The following GRID2 variants were observed in gnomAD, a reference collection of about 807,000 sequenced individuals.
GRID2 encodes the protein glutamate receptor ionotropic, delta-2.
A neutral mutation model predicts 114.8 loss-of-function variants in GRID2; 33 were observed. The observed-to-expected ratio is 0.29, with a 90% CI of 0.22 to 0.38. The LOEUF (loss-of-function observed/expected upper bound fraction) is 0.38. Among genes scored for constraint, GRID2 ranks in the 10% least tolerant of loss-of-function variants. The probability of loss-of-function intolerance (pLI) is 1.00; values close to 1 mark genes in which losing one functional copy is unlikely to be tolerated. For missense variants in GRID2, 1,184 were observed against 1,257.7 expected, an observed-to-expected ratio of 0.94 and a Z score of 0.89; for synonymous variants, 505 against 449.9, an observed-to-expected ratio of 1.12 and a Z score of -1.55.
intron 13 of GRID2, among the ~76,000 whole-genome samples, chr4:93,551,555 G>A (rs945190778): frequency 6.6e-5 from 10 of 152,232 alleles, no homozygotes; most frequent in Admixed American, 5.2e-4. Flanking sequence ...GTTAGCAGGG[G>A]CCATATGATG....
chr4:92,328,831 T>C (rs1004173368), intron 1 of GRID2, among the ~76,000 whole-genome samples: 3 of 152,072 alleles, frequency 2.0e-5, no homozygotes, highest in Non-Finnish European at 4.4e-5. Flanking sequence ...CAGCTAAGGA[T>C]TAGTTAATAC....
At chr4:93,262,903 T>G (rs188003761) in intron 8 of GRID2, among the ~76,000 whole-genome samples, 1 of 151,560 alleles carries the variant, frequency 6.6e-6, no homozygotes, top group East Asian at 1.9e-4. Flanking sequence ...TACTATTAAA[T>G]TTTTTTTTCC....
At chr4:92,705,144 A>G (rs570003430) in intron 2 of GRID2, among the ~76,000 whole-genome samples, 1 of 152,274 alleles carries the variant, frequency 6.6e-6, no homozygotes, top group South Asian at 2.1e-4. Context: ...TACCTGTAAT[A>G]AGAGTATTTT....
chr4:93,433,403 TAAAAC>T (rs534163760), intron 10 of GRID2, among the ~76,000 whole-genome samples: 235 of 152,024 alleles, frequency 1.5e-3, no homozygotes, highest in African/African-American at 5.3e-3. Flanking sequence ...ATTGACAACA[TAAAAC>T]AAAACAAAAC....
chr4:92,790,560 C>T (rs144004636), intron 2 of GRID2, among the ~76,000 whole-genome samples: 2,344 of 151,692 alleles, frequency 0.015, 31 homozygotes, highest in Non-Finnish European at 0.025. Context: ...GGACTACAGA[C>T]ATGCACCACC....
chr4:92,440,612 A>T (rs1579364028), intron 1 of GRID2, among the ~76,000 whole-genome samples: 1 of 152,120 alleles, frequency 6.6e-6, no homozygotes, highest in Non-Finnish European at 1.5e-5. Context: ...ATAGATTTCC[A>T]CGATGGAAAG....
intron 8 of GRID2, among the ~76,000 whole-genome samples, chr4:93,316,139 A>C (rs1756557259): frequency 2.0e-5 from 3 of 151,942 alleles, no homozygotes; most frequent in Non-Finnish European, 4.4e-5. Flanking sequence ...GAAAGAACAT[A>C]GTTGGGGAAA....
At chr4:92,748,392 G>A (rs1047611462) in intron 2 of GRID2, among the ~76,000 whole-genome samples, 3 of 151,968 alleles carry the variant, frequency 2.0e-5, no homozygotes, top group African/African-American at 4.8e-5. Context: ...CTAGTTTCCC[G>A]CTACTTTCCC....
At chr4:92,759,193 TAAAC>T (rs996111468) in intron 2 of GRID2, among the ~76,000 whole-genome samples, 3 of 152,198 alleles carry the variant, frequency 2.0e-5, no homozygotes, top group South Asian at 4.1e-4. Context: ...CATCTATTCA[TAAAC>T]AAACAGGTAG....
intron 8 of GRID2, among the ~76,000 whole-genome samples, chr4:93,380,865 C>T (rs952918523): frequency 3.3e-5 from 5 of 152,006 alleles, no homozygotes; most frequent in South Asian, 2.1e-4. Context: ...AGGCAGGATT[C>T]AGTGGGGATA....
Position 93,400,991 on chromosome 4 carries a change from C to T in GRID2, c.1347+5283C>T, listed in dbSNP as rs548597102. On this transcript the variant is annotated intron_variant, in intron 9 of 15. Coordinates refer to ENST00000282020, the MANE Select transcript of GRID2 (RefSeq NM_001510.4). ...AGCTGGGACTACAGGTGCATGCCACCGTGCCTGACTAATTTATTTTTCGTA... is the reference window on the plus strand; with the variant it reads ...AGCTGGGACTACAGGTGCATGCCACTGTGCCTGACTAATTTATTTTTCGTA... 3.3e-5 allele frequency among the ~76,000 whole-genome samples: 5 copies of T among 152,034 alleles called. No homozygotes were observed. In the East Asian group the frequency reaches 5.8e-4, roughly 18 times the overall value.
At chr4:92,608,428 T>C (rs1257015173) in intron 2 of GRID2, among the ~76,000 whole-genome samples, 1 of 151,870 alleles carries the variant, frequency 6.6e-6, no homozygotes, top group Non-Finnish European at 1.5e-5. Flanking sequence ...TCCACTGTGT[T>C]TTAAGAGCAA....
chr4:92,483,573 A>G (rs1260884447), intron 1 of GRID2, among the ~76,000 whole-genome samples: 1 of 152,124 alleles, frequency 6.6e-6, no homozygotes, highest in Admixed American at 6.6e-5. Flanking sequence ...CTAGAGTAAA[A>G]TCCTGGGTCA....
intron 3 of GRID2, among the ~76,000 whole-genome samples, chr4:93,102,008 T>G (rs1320471840): frequency 6.6e-6 from 1 of 152,198 alleles, no homozygotes; most frequent in Admixed American, 6.6e-5. Flanking sequence ...AGACAGGAAC[T>G]GAGCCTTCAT....
At chr4:93,634,797 A>G (rs1375875596) in intron 14 of GRID2, among the ~76,000 whole-genome samples, 1 of 152,182 alleles carries the variant, frequency 6.6e-6, no homozygotes, top group African/African-American at 2.4e-5. Flanking sequence ...AGAAAAAAAG[A>G]TAAGTTTGGA....
chr4:93,757,695 C>T (rs1225727751), intron 14 of GRID2, among the ~76,000 whole-genome samples: 1 of 152,186 alleles, frequency 6.6e-6, no homozygotes, highest in Non-Finnish European at 1.5e-5. Context: ...GTGGCTCACG[C>T]CTATAATCCC....
At chr4:93,475,244 G>T (rs1387050108) in intron 11 of GRID2, among the ~76,000 whole-genome samples, 2 of 152,062 alleles carry the variant, frequency 1.3e-5, no homozygotes, top group East Asian at 1.9e-4. Flanking sequence ...ATGTGGAAAA[G>T]AAATCAGAAT....
Position 93,548,260 on chromosome 4 carries a change from C to T in GRID2, c.2193+32849C>T, listed in dbSNP as rs897370173. On this transcript the variant is annotated intron_variant, in intron 13 of 15. Transcript: ENST00000282020. ...TCAAGGCTTAAAAATACTAGTGAAG[C>T]ATAAACTCTTTGAAGAAAACAATGT... Among the ~76,000 whole-genome samples, 8 of 152,182 alleles carry T rather than the reference C, an allele frequency of 5.3e-5. No individual in the cohort carries two copies. The South Asian group carries it at 1.5e-3, about 28-fold the overall frequency.
chr4:93,079,875 C>G (rs1255947287), intron 2 of GRID2, among the ~76,000 whole-genome samples: 1 of 152,036 alleles, frequency 6.6e-6, no homozygotes, highest in Non-Finnish European at 1.5e-5. Flanking sequence ...ACCATTTAAG[C>G]ACTTCTATTT....
Sources: allele counts gnomAD v4.1 joint callset (sites outside exome capture counted in the v4.1 genomes callset), GRCh38; gene constraint gnomAD v4.1.1; transcripts MANE v1.5; gene names NCBI Gene and HGNC (gene_info 2026-07-23, HGNC 2026-07-21).